CAB39L: variants seen among roughly 807,000 people sequenced by gnomAD.
CAB39L encodes calcium-binding protein 39-like.
In CAB39L, 23 loss-of-function variants were observed where a neutral mutation model predicts 39.1. The observed-to-expected ratio is 0.59, with a 90% CI of 0.42 to 0.83. The LOEUF (loss-of-function observed/expected upper bound fraction) is 0.83, where lower values mean the gene tolerates loss of function less well. CAB39L is among the 40% of genes least tolerant of loss of function. CAB39L has a pLI of 0.00. For synonymous variants in CAB39L, 126 were observed against 137.2 expected (o/e 0.92, Z 0.57); for missense variants, 366 against 391.9 (o/e 0.93, Z 0.56).
At chr13:49,339,163 T>C (rs1180788153) in intron 9 of CAB39L, among the ~76,000 whole-genome samples, 1 of 139,554 alleles carries the variant, frequency 7.2e-6, no homozygotes, top group Non-Finnish European at 1.5e-5. Context: ...GGAGTTCCGC[T>C]CTTGTTGCCC....
intron 5 of CAB39L, among the ~76,000 whole-genome samples, chr13:49,367,267 C>A (rs960066776): frequency 6.6e-6 from 1 of 152,148 alleles, no homozygotes; most frequent in Non-Finnish European, 1.5e-5. Context: ...ACATAAAAGA[C>A]GTTCAACATT....
intron 6 of CAB39L, among the ~76,000 whole-genome samples, chr13:49,356,301 G>A (rs1300768344): frequency 6.6e-6 from 1 of 152,090 alleles, no homozygotes; most frequent in African/African-American, 2.4e-5. Flanking sequence ...GGATAATTGG[G>A]AGAAATTTAT....
intron 9 of CAB39L, among the ~76,000 whole-genome samples, chr13:49,333,632 C>T (rs1236934374): frequency 2.8e-5 from 4 of 142,182 alleles, no homozygotes; most frequent in Admixed American, 1.5e-4. Context: ...AGTGCAGTGG[C>T]GCGATCTCGG....
chr13:49,346,355 CA>C (rs1326640224), intron 7 of CAB39L, among the ~76,000 whole-genome samples: 1 of 136,524 alleles, frequency 7.3e-6, no homozygotes, highest in African/African-American at 2.7e-5. Context: ...AAAGAAACCA[CA>C]AAAAAAACAG....
At chr13:49,378,955 C>T (rs1314330146) in intron 4 of CAB39L, among the ~76,000 whole-genome samples, 9 of 18,140 alleles carry the variant, frequency 5.0e-4, no homozygotes, top group African/African-American at 9.0e-4. Context: ...CGCCTCTGCC[C>T]GGCCGCCCCT....
chr13:49,336,345 C>A (rs1388873728), intron 9 of CAB39L, among the ~76,000 whole-genome samples: 1 of 152,090 alleles, frequency 6.6e-6, no homozygotes, highest in East Asian at 1.9e-4. Context: ...TTTTGTCAGG[C>A]ATTTTTTTCC....
intron 3 of CAB39L, among the ~76,000 whole-genome samples, chr13:49,402,985 G>A (rs1956804925): frequency 6.6e-6 from 1 of 152,066 alleles, no homozygotes; most frequent in Non-Finnish European, 1.5e-5. Flanking sequence ...GAGAGTTGTA[G>A]TATAATTAAA....
Position 49,442,797 on chromosome 13 carries a change from A to C in CAB39L, c.-246+1189T>G, listed in dbSNP as rs1319977736. Among the ~76,000 whole-genome samples the C allele has an allele frequency of 1.3e-3, 158 of 122,284 alleles. 3 individuals carry two copies. Among genetic ancestry groups the C allele is most frequent in the South Asian group, 0.012 (39 of 3,372 alleles). 80.2% of individuals were successfully genotyped at this position (122,284 alleles called of 152,430 possible). The stretch of plus-strand genomic sequence containing the variant: ...CAAGAGACTCCATCTCAAAAAAAAA[A>C]AAAAAAAAAAAAAAAAAAAAAACAT... On this transcript the variant is annotated intron_variant, in intron 1 of 10. Transcript: ENST00000409308.
chr13:49,346,056 A>G (rs1196767549), intron 7 of CAB39L, among the ~76,000 whole-genome samples: 1 of 77,300 alleles, frequency 1.3e-5, no homozygotes, highest in Non-Finnish European at 2.5e-5. Context: ...GAATTCCTCC[A>G]GCATATATAT....
At chr13:49,321,508 G>A (rs9316439) in intron 10 of CAB39L, among the ~76,000 whole-genome samples, 45,939 of 152,118 alleles carry the variant, frequency 0.3, 7,084 homozygotes, top group East Asian at 0.5. Flanking sequence ...GAAGCTGAGA[G>A]AAGTTAAAGC....
intron 5 of CAB39L, among the ~76,000 whole-genome samples, chr13:49,366,643 A>C (rs1566093348): frequency 6.7e-6 from 1 of 150,162 alleles, no homozygotes; most frequent in East Asian, 1.9e-4. Flanking sequence ...AAAAAAAAAA[A>C]AAAAAACCCA....
intron 7 of CAB39L, among the ~76,000 whole-genome samples, chr13:49,344,520 A>ATTT (rs1955089752): frequency 8.3e-6 from 1 of 120,830 alleles, no homozygotes; most frequent in African/African-American, 3.3e-5. Flanking sequence ...GAGATGAGTT[A>ATTT]ATTTTTTTTT....
chr13:49,400,592 C>G (rs1309581725), intron 3 of CAB39L, among the ~76,000 whole-genome samples: 1 of 151,958 alleles, frequency 6.6e-6, no homozygotes, highest in Non-Finnish European at 1.5e-5. Context: ...TGCATTCATT[C>G]ATTTTACATA....
rs936837403 is a variant in CAB39L at position 49,436,882 on chromosome 13, C to T, written c.-245-2659G>A. On this transcript the variant is annotated intron_variant, in intron 1 of 10. Coordinates refer to ENST00000409308, the MANE Select transcript of CAB39L (RefSeq NM_001079670.3). Reference sequence around the variant, plus strand: ...TACTGTGCTGTAGTTTTCTTTAGTGCTATAGTTGGATGTTTCGGGAAGACT... The same window carrying T: ...TACTGTGCTGTAGTTTTCTTTAGTGTTATAGTTGGATGTTTCGGGAAGACT... 6.6e-5 allele frequency among the ~76,000 whole-genome samples: 10 copies of T among 151,954 alleles called. No individual in the cohort carries two copies. In the East Asian group the frequency reaches 1.9e-3, roughly 29 times the overall value.
At position 49,309,209 on chromosome 13, in the gene CAB39L, CA is replaced by C. The variant is rs1474521389; in HGVS notation, c.*1604del. 3 of 152,260 alleles carry C rather than the reference CA, an allele frequency of 2.0e-5. No homozygotes were observed. Among genetic ancestry groups the C allele is most frequent in the African/African-American group, 7.2e-5 (3 of 41,454 alleles). The allele number at this position is 152,260 out of a possible 1,614,324, so 9.4% of individuals were successfully genotyped here. A position where few individuals can be genotyped will look rare whatever the true frequency, so the allele number is the denominator to read the frequency against. ...CATCAGGCTGCCGGCCGGCCTCCTG[CA>C]AGGGCACTGGCCAGGGAGGCCACAG... On this transcript the variant is annotated 3_prime_UTR_variant, in exon 11 of 11. Transcript: ENST00000409308.
intron 10 of CAB39L, among the ~76,000 whole-genome samples, chr13:49,329,593 ATATAAT>A (rs1954627669): frequency 3.2e-5 from 4 of 124,832 alleles, no homozygotes; most frequent in African/African-American, 1.2e-4. Context: ...ATATATATAT[ATATAAT>A]GATGTAATAA....
chr13:49,436,500 G>C, intron 1 of CAB39L, among the ~76,000 whole-genome samples: 1 of 144,732 alleles, frequency 6.9e-6, no homozygotes, highest in East Asian at 2.0e-4. Context: ...CTTATATTCA[G>C]TCCAATCTTT....
chr13:49,324,836 T>C (rs1954452028), intron 10 of CAB39L, among the ~76,000 whole-genome samples: 1 of 152,240 alleles, frequency 6.6e-6, no homozygotes, highest in African/African-American at 2.4e-5. Context: ...ATCTTTGGGA[T>C]CTACAAATTT....
rs1446324731 is a variant in CAB39L, at chr13:49,350,786, CA to C, written c.521del (p.Leu174CysfsTer18). On this transcript the variant is annotated frameshift_variant, in exon 7 of 11. Coordinates refer to ENST00000409308, the MANE Select transcript of CAB39L (RefSeq NM_001079670.3). LOFTEE classifies it high-confidence loss of function. ...QFRDFFKYVE[L>X]STFDIASDAF... is the part of the protein sequence containing the mutation. The stretch of plus-strand genomic sequence containing the variant: ...CATCTGAAGCAATATCAAATGTTGA[CA>C]ACTCCACGTACTTAAAGAAATCTCT... 3 of 1,590,200 alleles carry C rather than the reference CA, an allele frequency of 1.9e-6. No individual in the cohort carries two copies. The highest frequency in any genetic ancestry group is 2.6e-6 in the Non-Finnish European group (3 of 1,170,114).
Sources: allele counts gnomAD v4.1 joint callset (sites outside exome capture counted in the v4.1 genomes callset), GRCh38; gene constraint gnomAD v4.1.1; transcripts MANE v1.5; gene names NCBI Gene and HGNC (gene_info 2026-07-23, HGNC 2026-07-21).